Variants in SMCHD1 observed in about 807,000 individuals in gnomAD.
SMCHD1 encodes the protein structural maintenance of chromosomes flexible hinge domain-containing protein 1.
SMCHD1 carries 78 observed loss-of-function variants against 254.7 expected under a neutral mutation model. That is an observed-to-expected ratio of 0.31 (90% confidence interval 0.26 to 0.37). The LOEUF is 0.37. Among genes scored for constraint, SMCHD1 ranks in the 10% least tolerant of loss-of-function variants. The probability of loss-of-function intolerance (pLI) is 1.00; values close to 1 mark genes in which losing one functional copy is unlikely to be tolerated. For missense variants in SMCHD1, 1,840 were observed against 2,408.1 expected, an observed-to-expected ratio of 0.76 and a Z score of 4.94; for synonymous variants, 766 against 794.9, an observed-to-expected ratio of 0.96 and a Z score of 0.61.
chr18:2,722,336 G>GT (rs1468008249), intron 19 of SMCHD1, among the ~76,000 whole-genome samples, 183 bp from the exon 20 acceptor site: 1 of 152,066 alleles, frequency 6.6e-6, no homozygotes, highest in South Asian at 2.1e-4. Flanking sequence ...TACTCAGGAG[G>GT]TTTTTCCCAA....
chr18:2,751,445 T>A, intron 33 of SMCHD1, 52 bp downstream of exon 33: 1 of 999,692 alleles, frequency 1.0e-6, no homozygotes, highest in Non-Finnish European at 1.5e-6. Flanking sequence ...TACATTTAAC[T>A]TAAAACTAAG....
intron 15 of SMCHD1, among the ~76,000 whole-genome samples, chr18:2,706,999 TA>T (rs1411406232): frequency 6.6e-6 from 1 of 152,064 alleles, no homozygotes; most frequent in Non-Finnish European, 1.5e-5. Context: ...TCAAACACTT[TA>T]AAAATCATCA....
chr18:2,671,250 T>C (rs547951009), intron 3 of SMCHD1, among the ~76,000 whole-genome samples: 4 of 152,218 alleles, frequency 2.6e-5, no homozygotes, highest in Admixed American at 2.0e-4. Flanking sequence ...AATCTTTAAT[T>C]ATTTTCCTGG....
intron 39 of SMCHD1, among the ~76,000 whole-genome samples, chr18:2,771,272 A>G (rs1195904895): frequency 6.6e-6 from 1 of 152,198 alleles, no homozygotes; most frequent in African/African-American, 2.4e-5. Context: ...AGATTAAGTA[A>G]CTTATCCAAG....
chr18:2,750,640 A>T (rs2075553958), intron 32 of SMCHD1, 133 bp downstream of exon 32: 1 of 647,770 alleles, frequency 1.5e-6, no homozygotes, highest in Admixed American at 3.6e-5. Context: ...TTTCAATATC[A>T]TGTTGCAGAT....
At chr18:2,731,095 A>G (rs1388569897) in intron 24 of SMCHD1, among the ~76,000 whole-genome samples, 1 of 152,226 alleles carries the variant, frequency 6.6e-6, no homozygotes, top group Non-Finnish European at 1.5e-5. Context: ...TCCAATGGCA[A>G]TAACTGAGTT....
At chr18:2,790,928 AAAAC>A (rs781360386) in intron 45 of SMCHD1, among the ~76,000 whole-genome samples, 37 of 152,354 alleles carry the variant, frequency 2.4e-4, no homozygotes, top group African/African-American at 3.1e-4. Context: ...TTAAAAATGA[AAAAC>A]AAAGTCATAA....
intron 21 of SMCHD1, 62 bp from the exon 22 acceptor site, chr18:2,726,390 T>A: frequency 1.2e-6 from 1 of 850,160 alleles, no homozygotes; most frequent in Non-Finnish European, 1.8e-6. Context: ...AGAATTGATG[T>A]GATAAACTAC....
chr18:2,726,457 TA>T lies in SMCHD1; in HGVS notation c.2708del (p.Asn903IlefsTer2). 1 of 1,502,642 alleles carries T rather than the reference TA, an allele frequency of 6.7e-7. No homozygotes were observed. The highest frequency in any genetic ancestry group is 9.0e-7 in the Non-Finnish European group (1 of 1,113,522). The allele number at this position is 1,502,642 out of a possible 1,614,324, so 93.1% of individuals were successfully genotyped here. On this transcript the variant is annotated frameshift_variant, in exon 22 of 48. Transcript: ENST00000320876. LOFTEE classifies it high-confidence loss of function. ...TTACTGTTTTTTTCCAACAGAATTA[TA>T]ATCTGAAGGTTACTCTGCCTGGCTT... is the stretch of plus-strand genomic sequence containing the variant. The part of the protein sequence containing the change: ...PVNSCQGKNY[N>X]LKVTLPGLKE...
At chr18:2,773,994 A>G (rs1222804117) in intron 41 of SMCHD1, among the ~76,000 whole-genome samples, 1 of 152,226 alleles carries the variant, frequency 6.6e-6, no homozygotes, top group Non-Finnish European at 1.5e-5. Flanking sequence ...TTTTCCCCCA[A>G]ACTTCAAAAT....
intron 37 of SMCHD1, among the ~76,000 whole-genome samples, chr18:2,766,719 GC>G (rs2075875388): frequency 6.6e-6 from 1 of 152,160 alleles, no homozygotes; most frequent in Non-Finnish European, 1.5e-5. Context: ...TGTATTATTT[GC>G]CTACATGATC....
chr18:2,702,031 G>C (rs929813725), intron 12 of SMCHD1, among the ~76,000 whole-genome samples: 4 of 151,758 alleles, frequency 2.6e-5, no homozygotes, highest in Non-Finnish European at 5.9e-5. Context: ...AATACACTTA[G>C]AATTCATTTA....
chr18:2,732,123 A>G (rs2075153156), intron 24 of SMCHD1, 142 bp from the exon 25 acceptor site: 1 of 558,364 alleles, frequency 1.8e-6, no homozygotes, highest in Non-Finnish European at 3.1e-6. Context: ...AATTATTAAT[A>G]GTATAATGCC....
intron 17 of SMCHD1, among the ~76,000 whole-genome samples, chr18:2,710,378 G>T (rs2074639352): frequency 6.6e-6 from 1 of 152,080 alleles, no homozygotes; most frequent in African/African-American, 2.4e-5. Context: ...TTGGGTCCAT[G>T]GAGATTCCCT....
rs1254684818 is a variant in SMCHD1 at position 2,763,653 on chromosome 18, A to G, written c.4583A>G (p.His1528Arg). Residue 1528 changes from histidine to arginine, a missense_variant, in exon 37 of 48, where the codon CAT becomes CGT. Coordinates refer to ENST00000320876, the MANE Select transcript of SMCHD1 (RefSeq NM_015295.3). ...HLSITDDYDN[H>R]TGIDLVGTII... ...TGTTTTAAGGATGACTACGACAACC[A>G]TACTGGAATTGATTTGGTTGGCACT... 11 of 1,576,272 alleles carry G rather than the reference A, an allele frequency of 7.0e-6. No homozygotes were observed. The highest frequency in any genetic ancestry group is 6.9e-6 in the Non-Finnish European group (8 of 1,167,266).
Position 2,656,218 on chromosome 18 carries a change from G to C in SMCHD1, c.143G>C (p.Gly48Ala), listed in dbSNP as rs2073051498. ...CTCGGGGACCGGCCTCTGCAGGTCG[G>C]GGAGCGCTCGGACTACGCGGGATTT... ...SELGDRPLQV[G>A]ERSDYAGFRA... The change falls in exon 1 of 48, where the codon GGG becomes GCG. Residue 48 changes from glycine (G) to alanine (A), a missense_variant. Physicochemically the swap from Gly to Ala is moderately conservative, Grantham distance 60. Coordinates refer to ENST00000320876, the MANE Select transcript of SMCHD1 (RefSeq NM_015295.3). 1.3e-6 allele frequency: 2 copies of C among 1,504,762 alleles called. No homozygotes were observed. The highest frequency in any genetic ancestry group is 1.5e-5 in the African/African-American group (1 of 67,842). 93.2% of individuals were successfully genotyped at this position (1,504,762 alleles called of 1,614,324 possible). A position where few individuals can be genotyped will look rare whatever the true frequency, so the allele number is the denominator to read the frequency against.
intron 36 of SMCHD1, 64 bp from the exon 37 acceptor site, chr18:2,763,573 T>C (rs2143699023): frequency 1.6e-6 from 2 of 1,280,588 alleles, no homozygotes; most frequent in South Asian, 1.6e-5. Flanking sequence ...GATTTGTACA[T>C]GCTCTTCTCT....
chr18:2,746,337 A>ATG lies in SMCHD1; in HGVS notation c.3802-1185_3802-1184insTG, dbSNP rs1402480853. 2.5e-4 allele frequency among the ~76,000 whole-genome samples: 38 copies of ATG among 152,338 alleles called. 1 individual carries two copies. Among genetic ancestry groups the ATG allele is most frequent in the Admixed American group, 2.5e-3 (38 of 15,298 alleles). ...AGAAAACATTAGCAGTTTGGACTAC[A>ATG]AGTCATTTACTTAAAGATAACCTTT... On this transcript the variant is annotated intron_variant, in intron 29 of 47. Transcript: ENST00000320876.
chr18:2,800,146 T>A (rs1324386886), intron 47 of SMCHD1, among the ~76,000 whole-genome samples: 1 of 151,552 alleles, frequency 6.6e-6, no homozygotes, highest in Non-Finnish European at 1.5e-5. Flanking sequence ...GGATTCAGAG[T>A]CAGTTAGAAC....
Sources: allele counts gnomAD v4.1 joint callset (sites outside exome capture counted in the v4.1 genomes callset), GRCh38; gene constraint gnomAD v4.1.1; transcripts MANE v1.5; gene names NCBI Gene and HGNC (gene_info 2026-07-23, HGNC 2026-07-21).